The following NPHS2 variants were observed in gnomAD, a reference collection of about 807,000 sequenced individuals.
The protein encoded by NPHS2 is podocin.
NPHS2 carries 36 observed loss-of-function variants against 37.1 expected under a neutral mutation model. That is an observed-to-expected ratio of 0.97 (90% CI 0.74 to 1.28). NPHS2 has a LOEUF of 1.28. Ranked by LOEUF, NPHS2 falls within the 50% of genes most tolerant of loss-of-function variation. NPHS2 has a pLI of 0.00. For synonymous variants in NPHS2, 196 were observed against 189.3 expected (o/e 1.04, Z -0.29); for missense variants, 447 against 488.1 (o/e 0.92, Z 0.79).
At chr1:179,575,560 A>G in intron 1 of NPHS2, 31 bp downstream of exon 1, 1 of 1,599,530 alleles carries the variant, frequency 6.3e-7, no homozygotes, top group Non-Finnish European at 8.5e-7. Context: ...ACCACCTGGA[A>G]AAGTAGCAGA....
intron 1 of NPHS2, among the ~76,000 whole-genome samples, chr1:179,565,848 T>A (rs965767548): frequency 1.3e-5 from 2 of 152,136 alleles, no homozygotes; most frequent in Non-Finnish European, 2.9e-5. Context: ...TGTGATAGTT[T>A]GCTGAGAATG....
At chr1:179,558,468 T>G (rs1189110104) in intron 4 of NPHS2, among the ~76,000 whole-genome samples, 1 of 152,166 alleles carries the variant, frequency 6.6e-6, no homozygotes, top group African/African-American at 2.4e-5. Flanking sequence ...CACATTTTAT[T>G]TATCTCTTCA....
chr1:179,571,939 G>T (rs958037372), intron 1 of NPHS2, among the ~76,000 whole-genome samples: 1 of 152,162 alleles, frequency 6.6e-6, no homozygotes, highest in African/African-American at 2.4e-5. Flanking sequence ...ACAGTATTTG[G>T]GTGTGAGTGT....
At chr1:179,571,741 G>T (rs1201694122) in intron 1 of NPHS2, among the ~76,000 whole-genome samples, 5 of 152,204 alleles carry the variant, frequency 3.3e-5, no homozygotes, top group Non-Finnish European at 7.3e-5. Flanking sequence ...AAGCTTCCTG[G>T]CTACTTTGTT....
At chr1:179,558,658 A>G (rs1028209673) in intron 4 of NPHS2, among the ~76,000 whole-genome samples, 6 of 152,116 alleles carry the variant, frequency 3.9e-5, no homozygotes, top group Non-Finnish European at 8.8e-5. Flanking sequence ...GAGCTGCTCT[A>G]CTGTTTTCTA....
At position 179,559,691 on chromosome 1, in the gene NPHS2, T is replaced by A. The variant is rs1160017738; in HGVS notation, c.522A>T (p.Ile174=). The change falls in exon 4 of 8, where the codon ATA becomes ATT. Residue 174 remains isoleucine, a synonymous_variant. Transcript: ENST00000367615. ...KVDLRLQTLE[I]PFHEIVTKDM... ...TCATTTGGCTTACCTCATGAAAAGG[T>A]ATCTCCAGAGTTTGGAGACGAAGGT... 1 of 1,585,532 alleles carries A rather than the reference T, an allele frequency of 6.3e-7. No individual in the cohort carries two copies. Among genetic ancestry groups the A allele is most frequent in the Admixed American group, 1.7e-5 (1 of 57,876 alleles).
rs2125771335 is a variant in NPHS2, at chr1:179,552,586, G to A, written c.873+17C>T. 6.2e-7 allele frequency: 1 copy of A among 1,609,044 alleles called. No individual in the cohort carries two copies. Among genetic ancestry groups the A allele is most frequent in the Non-Finnish European group, 8.5e-7 (1 of 1,175,948 alleles). Reference sequence around the variant, plus strand: ...CCTTCCTAAAGGGCAGTCTGGGTGGGAGGATGGAGTGCTCACCCGCACTTT... The same window carrying A: ...CCTTCCTAAAGGGCAGTCTGGGTGGAAGGATGGAGTGCTCACCCGCACTTT... On this transcript the variant is annotated intron_variant, in intron 7 of 7. Coordinates refer to ENST00000367615, the MANE Select transcript of NPHS2 (RefSeq NM_014625.4).
At chr1:179,571,090 C>T (rs943104967) in intron 1 of NPHS2, among the ~76,000 whole-genome samples, 1 of 152,196 alleles carries the variant, frequency 6.6e-6, no homozygotes, top group African/African-American at 2.4e-5. Flanking sequence ...CATTCTCCAT[C>T]CAGCTTTGTT....
At position 179,575,827 on chromosome 1, in the gene NPHS2, C is replaced by A. The variant is rs564179614; in HGVS notation, c.38G>T (p.Arg13Leu). Residue 13 changes from arginine to leucine, a missense_variant, in exon 1 of 8, where the codon CGC becomes CTC. Physicochemically the swap from Arg to Leu is moderately radical, Grantham distance 102. Coordinates refer to ENST00000367615, the MANE Select transcript of NPHS2 (RefSeq NM_014625.4). ...GTGCGGAGTCCTGCCGCCTCGCCCG[C>A]GGGACTCCCTGGAGGAGCTCCGCGC... ...RRARSSSRESRGRGGRTPHKE... is the reference protein window; with the variant it reads ...RRARSSSRESLGRGGRTPHKE... The A allele has an allele frequency of 1.4e-6, 2 of 1,457,974 alleles. No homozygotes were observed. Among genetic ancestry groups the A allele is most frequent in the South Asian group, 1.5e-5 (1 of 68,012 alleles). The allele number at this position is 1,457,974 out of a possible 1,614,324, so 90.3% of individuals were successfully genotyped here.
chr1:179,572,149 C>T (rs989072674), intron 1 of NPHS2, among the ~76,000 whole-genome samples: 2 of 151,996 alleles, frequency 1.3e-5, no homozygotes, highest in Admixed American at 1.3e-4. Flanking sequence ...TCTTCTGTGT[C>T]GATCATGCTG....
At chr1:179,557,001 A>C in intron 5 of NPHS2, 26 bp downstream of exon 5, 19 of 1,523,414 alleles carry the variant, frequency 1.2e-5, no homozygotes, top group Non-Finnish European at 1.5e-5. Context: ...ATTTCAGCAT[A>C]TTGGCCATTA....
At chr1:179,572,897 C>T (rs964005326) in intron 1 of NPHS2, among the ~76,000 whole-genome samples, 1 of 151,786 alleles carries the variant, frequency 6.6e-6, no homozygotes, top group Non-Finnish European at 1.5e-5. Flanking sequence ...TGCAGTGATG[C>T]AATCATGGCT....
At chr1:179,552,557 C>T (rs534400544) in intron 7 of NPHS2, 46 bp downstream of exon 7, 30 of 1,450,948 alleles carry the variant, frequency 2.1e-5, no homozygotes, top group East Asian at 4.5e-5. Context: ...TCTCCACGAG[C>T]AGGCCTTCCT....
intron 1 of NPHS2, among the ~76,000 whole-genome samples, chr1:179,573,168 T>C (rs962220621): frequency 5.9e-5 from 9 of 152,098 alleles, no homozygotes; most frequent in African/African-American, 2.2e-4. Flanking sequence ...ACAAAGGGGA[T>C]AACTAATTAG....
chr1:179,552,305 C>T lies in NPHS2; in HGVS notation c.873+298G>A, dbSNP rs1171653591. On this transcript the variant is annotated intron_variant, in intron 7 of 7. Coordinates refer to ENST00000367615, the MANE Select transcript of NPHS2 (RefSeq NM_014625.4). ...ACTACGATTACCCAGGAAAAGATGC[C>T]AGCACTAGAGAAGAGGGATTGATGT... is the stretch of plus-strand genomic sequence containing the variant. The T allele has an allele frequency of 2.4e-5, 11 of 458,452 alleles. 1 individual carries two copies. The Admixed American group carries it at 3.8e-4, about 16-fold the overall frequency. 28.4% of individuals were successfully genotyped at this position (458,452 alleles called of 1,614,324 possible).
chr1:179,552,596 T>G lies in NPHS2; in HGVS notation c.873+7A>C, dbSNP rs115778946. The G allele has an allele frequency of 1.2e-6, 2 of 1,612,096 alleles. No homozygotes were observed. Among genetic ancestry groups the G allele is most frequent in the Non-Finnish European group, 1.7e-6 (2 of 1,178,744 alleles). On this transcript the variant is annotated splice_region_variant and intron_variant, in intron 7 of 7. Transcript: ENST00000367615. ...GGGCAGTCTGGGTGGGAGGATGGAG[T>G]GCTCACCCGCACTTTGGCTTGTCTT...
Position 179,575,783 on chromosome 1 carries a change from T to G in NPHS2, c.82A>C (p.Lys28Gln), listed in dbSNP as rs1674744920. Residue 28 changes from lysine to glutamine, a missense_variant, in exon 1 of 8, where the codon AAG becomes CAG. Physicochemically the swap from Lys to Gln is moderately conservative, Grantham distance 53 (BLOSUM62 1). Transcript: ENST00000367615. ...CGGCCTCCGCCGCTCCTCTCGGCCT[T>G]TGCCCTCTTGTTCTCCTTGTGCGGA... ...RTPHKENKRA[K>Q]AERSGGGRGR... 6.7e-7 allele frequency: 1 copy of G among 1,497,632 alleles called. No homozygotes were observed. The allele number at this position is 1,497,632 out of a possible 1,614,324, so 92.8% of individuals were successfully genotyped here.
At chr1:179,554,757 A>T in intron 5 of NPHS2, 1 of 612,598 alleles carries the variant, frequency 1.6e-6, no homozygotes, top group Non-Finnish European at 2.9e-6. Flanking sequence ...ATGCTGAATA[A>T]TGGTCCCCAA....
intron 1 of NPHS2, among the ~76,000 whole-genome samples, chr1:179,572,958 TCAA>T (rs977534848): frequency 1.2e-4 from 18 of 152,176 alleles, no homozygotes; most frequent in African/African-American, 4.3e-4. Flanking sequence ...CCTTAGCCTC[TCAA>T]GTAGCTGGGA....
Sources: gnomAD v4.1 joint callset for allele counts (sites outside exome capture counted in the v4.1 genomes callset) on GRCh38, gnomAD v4.1.1 for gene constraint, MANE v1.5 for transcripts, NCBI Gene and HGNC (gene_info 2026-07-23, HGNC 2026-07-21) for gene names.